Variants in PPP1R1C observed in about 807,000 individuals in gnomAD.
PPP1R1C encodes the protein protein phosphatase 1 regulatory subunit 1C.
In PPP1R1C, 15 loss-of-function variants were observed where a neutral mutation model predicts 17.4. The ratio of observed to expected loss-of-function variants is 0.86; its 90% CI spans 0.58 to 1.33. PPP1R1C has a LOEUF of 1.33. PPP1R1C is among the 40% of genes most tolerant of loss of function. The probability of loss-of-function intolerance (pLI) is 0.00; values close to 1 mark genes in which losing one functional copy is unlikely to be tolerated. For missense variants in PPP1R1C, 143 were observed against 130.0 expected, an observed-to-expected ratio of 1.10 and a Z score of -0.48; for synonymous variants, 35 against 43.1, an observed-to-expected ratio of 0.81 and a Z score of 0.73.
At chr2:182,021,549 A>G (rs1686429700) in intron 2 of PPP1R1C, among the ~76,000 whole-genome samples, 1 of 151,928 alleles carries the variant, frequency 6.6e-6, no homozygotes, top group Admixed American at 6.6e-5. Flanking sequence ...GATGGTCTTT[A>G]TCTCTTGACC....
chr2:182,074,151 T>C (rs547702415), intron 4 of PPP1R1C, among the ~76,000 whole-genome samples: 175 of 151,734 alleles, frequency 1.2e-3, no homozygotes, highest in African/African-American at 3.3e-3. Flanking sequence ...ACACCATTCT[T>C]CTGCCTCAGC....
At chr2:181,980,498 G>A (rs1251418232) in intron 2 of PPP1R1C, among the ~76,000 whole-genome samples, 1 of 152,200 alleles carries the variant, frequency 6.6e-6, no homozygotes, top group Non-Finnish European at 1.5e-5. Flanking sequence ...GTGTCCCCAT[G>A]ACACTCCTAT....
intron 4 of PPP1R1C, among the ~76,000 whole-genome samples, chr2:182,106,696 G>T (rs1689264219): frequency 6.6e-6 from 1 of 152,160 alleles, no homozygotes; most frequent in Non-Finnish European, 1.5e-5. Context: ...AAGGCATGGG[G>T]CCTAATTGAG....
At position 182,057,239 on chromosome 2, in the gene PPP1R1C, A is replaced by G. The variant is rs543677030; in HGVS notation, c.143-4203A>G. On this transcript the variant is annotated intron_variant, in intron 2 of 4. Transcript: ENST00000682840. Reference sequence around the variant, plus strand: ...TCATTCTTTTGCAGGTTGCCTGGGGAGATAAAAACACTAATGGACATGATA... The same window carrying G: ...TCATTCTTTTGCAGGTTGCCTGGGGGGATAAAAACACTAATGGACATGATA... Among the ~76,000 whole-genome samples, 3 of 152,254 alleles carry G rather than the reference A, an allele frequency of 2.0e-5. No homozygotes were observed. In the East Asian group the frequency reaches 5.8e-4, roughly 29 times the overall value.
chr2:182,025,477 C>T lies in PPP1R1C; in HGVS notation c.143-35965C>T, dbSNP rs1286831405. On this transcript the variant is annotated intron_variant, in intron 2 of 4. Coordinates refer to ENST00000682840, the MANE Select transcript of PPP1R1C (RefSeq NM_001080545.3). The stretch of plus-strand genomic sequence containing the variant: ...TGCGGTGTTTGGTTTTTTGTTCTTG[C>T]GATAGTTTACTGAGAATGATGATTT... 4.0e-3 allele frequency among the ~76,000 whole-genome samples: 515 copies of T among 129,654 alleles called. 1 individual carries two copies. Among genetic ancestry groups the T allele is most frequent in the Non-Finnish European group, 6.0e-3 (377 of 62,356 alleles). The allele number at this position is 129,654 out of a possible 152,430, so 85.1% of individuals were successfully genotyped here.
chr2:181,964,178 T>A (rs945119056), intron 1 of PPP1R1C, among the ~76,000 whole-genome samples: 4 of 152,162 alleles, frequency 2.6e-5, no homozygotes, highest in Non-Finnish European at 5.9e-5. Context: ...ATTGTTTTAA[T>A]TTTTAGCTCC....
At chr2:182,035,156 C>T (rs1019694533) in intron 2 of PPP1R1C, among the ~76,000 whole-genome samples, 4 of 152,200 alleles carry the variant, frequency 2.6e-5, no homozygotes, top group African/African-American at 7.2e-5. Flanking sequence ...CTGGGCTCTT[C>T]ATCGCCACAT....
chr2:182,011,296 T>A, intron 2 of PPP1R1C, among the ~76,000 whole-genome samples: 1 of 152,096 alleles, frequency 6.6e-6, no homozygotes, highest in South Asian at 2.1e-4. Context: ...TCTCATTACC[T>A]GCTATTGCTC....
chr2:181,965,752 G>A (rs1056694382), intron 1 of PPP1R1C, among the ~76,000 whole-genome samples: 1 of 152,148 alleles, frequency 6.6e-6, no homozygotes, highest in African/African-American at 2.4e-5. Context: ...CTTCAGTTTT[G>A]TTCTTTTTGC....
At chr2:182,065,732 T>TA (rs920443252) in intron 4 of PPP1R1C, among the ~76,000 whole-genome samples, 6 of 151,886 alleles carry the variant, frequency 4.0e-5, no homozygotes, top group African/African-American at 1.5e-4. Flanking sequence ...ACCCAGTCTC[T>TA]AAAAAAAATT....
At chr2:182,090,043 A>G (rs1688737585) in intron 4 of PPP1R1C, among the ~76,000 whole-genome samples, 1 of 152,140 alleles carries the variant, frequency 6.6e-6, no homozygotes, top group Admixed American at 6.5e-5. Context: ...CCAAAAGCAA[A>G]TCTTTTCAAA....
At chr2:182,029,067 A>G (rs1686722574) in intron 2 of PPP1R1C, among the ~76,000 whole-genome samples, 1 of 143,610 alleles carries the variant, frequency 7.0e-6, no homozygotes, top group Non-Finnish European at 1.5e-5. Flanking sequence ...TTGGCTTGGT[A>G]GATCTTCCTC....
At chr2:182,001,042 A>G (rs1685751311) in intron 2 of PPP1R1C, among the ~76,000 whole-genome samples, 1 of 152,150 alleles carries the variant, frequency 6.6e-6, no homozygotes, top group South Asian at 2.1e-4. Flanking sequence ...CTCCCAGTTC[A>G]CAGATACCTA....
chr2:181,995,571 G>T (rs1685589947), intron 2 of PPP1R1C, among the ~76,000 whole-genome samples: 1 of 152,190 alleles, frequency 6.6e-6, no homozygotes, highest in Non-Finnish European at 1.5e-5. Context: ...ATTGTCAGTT[G>T]TTCTGGGTAG....
At chr2:182,084,347 A>G (rs2125215881) in intron 4 of PPP1R1C, among the ~76,000 whole-genome samples, 1 of 151,356 alleles carries the variant, frequency 6.6e-6, no homozygotes, top group African/African-American at 2.4e-5. Flanking sequence ...TTGCCTAGCC[A>G]ATGTCCAGAA....
At chr2:182,076,454 G>A (rs1218519612) in intron 4 of PPP1R1C, among the ~76,000 whole-genome samples, 1 of 151,378 alleles carries the variant, frequency 6.6e-6, no homozygotes, top group South Asian at 2.1e-4. Flanking sequence ...AAAAATGCAA[G>A]CAAGAAGTAC....
At chr2:182,065,525 CA>C (rs1389707476) in intron 4 of PPP1R1C, among the ~76,000 whole-genome samples, 1 of 152,066 alleles carries the variant, frequency 6.6e-6, no homozygotes, top group African/African-American at 2.4e-5. Flanking sequence ...TATAATTCTT[CA>C]AATTGCAGTT....
intron 2 of PPP1R1C, among the ~76,000 whole-genome samples, chr2:182,042,984 T>C (rs1687229899): frequency 6.6e-6 from 1 of 152,216 alleles, no homozygotes; most frequent in Admixed American, 6.5e-5. Flanking sequence ...ACAATATTTG[T>C]TTAAAAACTT....
intron 2 of PPP1R1C, among the ~76,000 whole-genome samples, chr2:182,052,307 C>T (rs962082310): frequency 2.0e-5 from 3 of 152,046 alleles, no homozygotes; most frequent in Non-Finnish European, 2.9e-5. Flanking sequence ...GAGAAAAACA[C>T]GTATCATTGA....
Sources: gnomAD v4.1 joint callset for allele counts (sites outside exome capture counted in the v4.1 genomes callset) on GRCh38, gnomAD v4.1.1 for gene constraint, MANE v1.5 for transcripts, NCBI Gene and HGNC (gene_info 2026-07-23, HGNC 2026-07-21) for gene names.